Variants in CATSPERE observed in about 807,000 individuals in gnomAD.
The protein encoded by CATSPERE is cation channel sperm-associated auxiliary subunit epsilon.
CATSPERE carries 93 observed loss-of-function variants against 114.1 expected under a neutral mutation model. The ratio of observed to expected loss-of-function variants is 0.81; its 90% CI spans 0.69 to 0.97. CATSPERE has a LOEUF of 0.97. Ranked by LOEUF, CATSPERE falls within the 50% of genes least tolerant of loss-of-function variation. The pLI is 0.00. For synonymous variants in CATSPERE, 341 were observed against 384.1 expected (o/e 0.89, Z 1.31); for missense variants, 1,058 against 1,131.6 (o/e 0.93, Z 0.93).
intron 5 of CATSPERE, among the ~76,000 whole-genome samples, chr1:244,482,169 T>C (rs973156690): frequency 4.6e-5 from 7 of 152,150 alleles, no homozygotes; most frequent in African/African-American, 1.7e-4. Context: ...AAATATCAAT[T>C]AAAGAATAAT....
intron 5 of CATSPERE, among the ~76,000 whole-genome samples, chr1:244,485,176 TTTTC>T (rs781649818): frequency 8.5e-6 from 1 of 117,114 alleles, no homozygotes; most frequent in Non-Finnish European, 1.9e-5. Flanking sequence ...TCTTTTTTCT[TTTTC>T]TTTTTTTTTC....
intron 17 of CATSPERE, among the ~76,000 whole-genome samples, chr1:244,605,149 C>T (rs1008769449): frequency 4.6e-5 from 7 of 152,188 alleles, no homozygotes; most frequent in African/African-American, 1.7e-4. Flanking sequence ...GCAGCATCTC[C>T]GTTCTCATCA....
At chr1:244,491,442 G>A (rs1672141864) in intron 6 of CATSPERE, among the ~76,000 whole-genome samples, 1 of 151,778 alleles carries the variant, frequency 6.6e-6, no homozygotes, top group African/African-American at 2.4e-5. Context: ...CACATTCAAA[G>A]CAGTGTGTAG....
chr1:244,529,384 T>C (rs1679238288), intron 8 of CATSPERE, among the ~76,000 whole-genome samples: 1 of 152,234 alleles, frequency 6.6e-6, no homozygotes, highest in African/African-American at 2.4e-5. Context: ...GATATTTCAT[T>C]CTAGTTTTGA....
intron 19 of CATSPERE, among the ~76,000 whole-genome samples, chr1:244,613,120 T>C (rs756160917): frequency 6.6e-6 from 1 of 152,206 alleles, no homozygotes; most frequent in Non-Finnish European, 1.5e-5. Context: ...AATGCTTTGT[T>C]GTATGATATA....
At chr1:244,592,527 AATT>A (rs1336835236) in intron 15 of CATSPERE, among the ~76,000 whole-genome samples, 10 of 152,252 alleles carry the variant, frequency 6.6e-5, no homozygotes, top group East Asian at 3.8e-4. Context: ...TCTAATTAGA[AATT>A]ATTATTTAAA....
intron 6 of CATSPERE, among the ~76,000 whole-genome samples, chr1:244,497,509 G>A (rs1158533212): frequency 6.6e-6 from 1 of 152,144 alleles, no homozygotes; most frequent in Non-Finnish European, 1.5e-5. Flanking sequence ...CTATACTGCA[G>A]TACCAGGCTG....
intron 17 of CATSPERE, among the ~76,000 whole-genome samples, chr1:244,594,711 C>T (rs868298998): frequency 6.6e-6 from 1 of 152,284 alleles, no homozygotes; most frequent in Middle Eastern, 3.4e-3. Context: ...TCTGAGATCT[C>T]TCAGGGTGGG....
At chr1:244,477,259 G>A (rs1669522803) in intron 2 of CATSPERE, among the ~76,000 whole-genome samples, 1 of 152,178 alleles carries the variant, frequency 6.6e-6, no homozygotes, top group South Asian at 2.1e-4. Context: ...GCCTCCCAAA[G>A]TGCTAGGATT....
chr1:244,487,039 A>G (rs1217436754), intron 5 of CATSPERE, among the ~76,000 whole-genome samples: 2 of 122,282 alleles, frequency 1.6e-5, no homozygotes, highest in East Asian at 2.8e-4. Context: ...TGGGCCAGGT[A>G]CAGACGCTCG....
chr1:244,463,648 A>G (rs577669670), intron 1 of CATSPERE, among the ~76,000 whole-genome samples: 77 of 65,442 alleles, frequency 1.2e-3, no homozygotes, highest in African/African-American at 7.7e-3. Context: ...TCATCTTACA[A>G]AAAAAAAAAA....
At chr1:244,634,734 CT>C (rs1182437295) in intron 20 of CATSPERE, among the ~76,000 whole-genome samples, 1 of 152,242 alleles carries the variant, frequency 6.6e-6, no homozygotes, top group African/African-American at 2.4e-5. Flanking sequence ...CCTATCTGAG[CT>C]TCCTCATCTG....
At chr1:244,507,253 T>C (rs1322572566) in intron 7 of CATSPERE, among the ~76,000 whole-genome samples, 1 of 152,214 alleles carries the variant, frequency 6.6e-6, no homozygotes, top group Non-Finnish European at 1.5e-5. Context: ...CTGATTTCAT[T>C]TCCTTTGGAT....
rs576422909 is a variant in CATSPERE at position 244,600,998 on chromosome 1, T to C, written c.2304-4697T>C. ...AAATAACAGAACAATCTGAATAATA[T>C]AGAAAATGTGTTCAAAAATGAATAA... On this transcript the variant is annotated intron_variant, in intron 17 of 21. Transcript: ENST00000366534. Among the ~76,000 whole-genome samples the C allele has an allele frequency of 7.2e-5, 11 of 151,990 alleles. No individual in the cohort carries two copies. The East Asian group carries it at 1.9e-3, about 27-fold the overall frequency.
intron 20 of CATSPERE, among the ~76,000 whole-genome samples, chr1:244,619,265 TG>T (rs1257514807): frequency 3.9e-5 from 6 of 152,120 alleles, no homozygotes; most frequent in Admixed American, 6.5e-5. Context: ...GGAAGGGCTT[TG>T]GGGGACACCC....
intron 11 of CATSPERE, among the ~76,000 whole-genome samples, chr1:244,579,286 C>T (rs971143478): frequency 2.0e-5 from 3 of 152,146 alleles, no homozygotes; most frequent in African/African-American, 7.2e-5. Flanking sequence ...TGCACCTTTA[C>T]ATTTGTTTAT....
chr1:244,476,201 A>G (rs1669314700), intron 2 of CATSPERE, among the ~76,000 whole-genome samples: 1 of 152,080 alleles, frequency 6.6e-6, no homozygotes, highest in South Asian at 2.1e-4. Flanking sequence ...GCACTTTGGG[A>G]CGCTGAGGTA....
chr1:244,473,584 T>C (rs1177017833), intron 2 of CATSPERE, among the ~76,000 whole-genome samples: 1 of 152,174 alleles, frequency 6.6e-6, no homozygotes. Flanking sequence ...CAGTGTCTTT[T>C]ACAGAGCAGA....
chr1:244,565,377 C>T (rs1435853245), intron 10 of CATSPERE, among the ~76,000 whole-genome samples: 1 of 152,080 alleles, frequency 6.6e-6, no homozygotes, highest in Non-Finnish European at 1.5e-5. Flanking sequence ...CTGTCTGGTC[C>T]TTGGCTTTTT....
Sources: gnomAD v4.1 joint callset for allele counts (sites outside exome capture counted in the v4.1 genomes callset) on GRCh38, gnomAD v4.1.1 for gene constraint, MANE v1.5 for transcripts, NCBI Gene and HGNC (gene_info 2026-07-23, HGNC 2026-07-21) for gene names.